Variants in ZNF736 observed in about 807,000 individuals in gnomAD.
ZNF736 encodes the protein KRAB-containing zinc-finger repressor protein.
In ZNF736, 6 loss-of-function variants were observed where a neutral mutation model predicts 11.7. That is an observed-to-expected ratio of 0.51 (90% confidence interval 0.28 to 1.01). The LOEUF (loss-of-function observed/expected upper bound fraction) is 1.01. Among genes scored for constraint, ZNF736 ranks in the 50% least tolerant of loss-of-function variants. The pLI, the probability that ZNF736 is intolerant of heterozygous loss-of-function variation, is 0.09. For missense variants in ZNF736, 444 were observed against 496.0 expected, an observed-to-expected ratio of 0.90 and a Z score of 1.00; for synonymous variants, 139 against 164.7, an observed-to-expected ratio of 0.84 and a Z score of 1.19.
chr7:64,348,423 A>G lies in ZNF736; in HGVS notation c.560A>G (p.Asp187Gly). The change falls in exon 4 of 4, where the codon GAT becomes GGT. Residue 187 changes from aspartate (D) to glycine (G), a missense_variant. Transcript: ENST00000423484. Reference sequence around the variant, plus strand: ...GGCAAAGACTGTAGGTTGTTCTCAGATTTTACTAGACATAAGAAAATTCAT... The same window carrying G: ...GGCAAAGACTGTAGGTTGTTCTCAGGTTTTACTAGACATAAGAAAATTCAT... ...ECGKDCRLFS[D>G]FTRHKKIHTV... 6.4e-7 allele frequency: 1 copy of G among 1,550,592 alleles called. No homozygotes were observed. Among genetic ancestry groups the G allele is most frequent in the Non-Finnish European group, 8.7e-7 (1 of 1,146,890 alleles).
Position 64,353,887 on chromosome 7 carries a change from A to G in ZNF736, c.*4740A>G, listed in dbSNP as rs1204552945. The stretch of plus-strand genomic sequence containing the variant: ...TTTTTAATGACAATGTGTGAACTTA[A>G]TTTGTTTTAATAAACCAAAATTATT... On this transcript the variant is annotated 3_prime_UTR_variant, in exon 4 of 4. Coordinates refer to ENST00000423484, the MANE Select transcript of ZNF736 (RefSeq NM_001170905.3). 2.0e-5 allele frequency: 3 copies of G among 152,194 alleles called. No homozygotes were observed. The highest frequency in any genetic ancestry group is 1.3e-4 in the Admixed American group (2 of 15,278). 9.4% of individuals were successfully genotyped at this position (152,194 alleles called of 1,614,324 possible). A position where few individuals can be genotyped will look rare whatever the true frequency, so the allele number is the denominator to read the frequency against.
At chr7:64,327,027 T>G (rs1174822389) in intron 1 of ZNF736, among the ~76,000 whole-genome samples, 4 of 152,196 alleles carry the variant, frequency 2.6e-5, no homozygotes, top group African/African-American at 9.6e-5. Context: ...CTGTAGCTTT[T>G]TGATGAAATG....
chr7:64,347,149 A>G (rs529105826), intron 3 of ZNF736, among the ~76,000 whole-genome samples: 1 of 145,000 alleles, frequency 6.9e-6, no homozygotes, highest in East Asian at 2.2e-4. Context: ...GGAGTCTTGG[A>G]GTCTCTCAAG....
At chr7:64,320,155 C>A (rs781485940) in intron 1 of ZNF736, among the ~76,000 whole-genome samples, 2 of 152,122 alleles carry the variant, frequency 1.3e-5, no homozygotes, top group African/African-American at 2.4e-5. Context: ...TTTAAAACTT[C>A]AGAGAAATAA....
chr7:64,318,017 C>A (rs34575428), intron 1 of ZNF736, among the ~76,000 whole-genome samples: 14,063 of 151,772 alleles, frequency 0.093, 882 homozygotes, highest in Non-Finnish European at 0.14. Flanking sequence ...GAATCTTGGG[C>A]AGAATTTTAA....
At chr7:64,318,415 T>C (rs1249164713) in intron 1 of ZNF736, among the ~76,000 whole-genome samples, 1 of 151,990 alleles carries the variant, frequency 6.6e-6, no homozygotes, top group Non-Finnish European at 1.5e-5. Flanking sequence ...GTTTATAAAC[T>C]TTTGTCCCAT....
intron 3 of ZNF736, among the ~76,000 whole-genome samples, chr7:64,338,675 A>AT (rs1035502602): frequency 6.6e-6 from 1 of 150,476 alleles, no homozygotes; most frequent in East Asian, 1.9e-4. Context: ...GGGTTTTATT[A>AT]TTTTTTATGG....
chr7:64,343,207 A>G (rs1789363020), intron 3 of ZNF736, among the ~76,000 whole-genome samples: 2 of 152,196 alleles, frequency 1.3e-5, no homozygotes, highest in African/African-American at 4.8e-5. Flanking sequence ...TGTGGTACCT[A>G]TATACACATT....
intron 3 of ZNF736, among the ~76,000 whole-genome samples, chr7:64,338,837 A>G (rs1456132469): frequency 6.6e-6 from 1 of 151,804 alleles, no homozygotes; most frequent in Non-Finnish European, 1.5e-5. Context: ...TAGTAAATTT[A>G]TTGTATATGC....
At chr7:64,339,682 C>T (rs1169939356) in intron 3 of ZNF736, among the ~76,000 whole-genome samples, 1 of 150,936 alleles carries the variant, frequency 6.6e-6, no homozygotes, top group Non-Finnish European at 1.5e-5. Flanking sequence ...GTTTTTATTA[C>T]AGTAGCCTTC....
chr7:64,350,103 C>G lies in ZNF736; in HGVS notation c.*956C>G, dbSNP rs111931185. 96 of 152,228 alleles carry G rather than the reference C, an allele frequency of 6.3e-4. No homozygotes were observed. Among genetic ancestry groups the G allele is most frequent in the African/African-American group, 2.3e-3 (95 of 41,536 alleles). 9.4% of individuals were successfully genotyped at this position (152,228 alleles called of 1,614,324 possible). A position where few individuals can be genotyped will look rare whatever the true frequency, so the allele number is the denominator to read the frequency against. On this transcript the variant is annotated 3_prime_UTR_variant, in exon 4 of 4. Coordinates refer to ENST00000423484, the MANE Select transcript of ZNF736 (RefSeq NM_001170905.3). ...ACATTTCCTGCATTTGAATGTTGGC[C>G]TCTCTAGGTTGGGGAAGTTCTCATG... is the stretch of plus-strand genomic sequence containing the variant.
chr7:64,333,166 A>G (rs1445055164), intron 1 of ZNF736, among the ~76,000 whole-genome samples: 2 of 152,198 alleles, frequency 1.3e-5, no homozygotes, highest in Non-Finnish European at 2.9e-5. Flanking sequence ...CCGTGGCTCC[A>G]GCTGCTCCCT....
In ZNF736 at chr7:64,335,894, A is replaced by G. The variant is rs529836984; in HGVS notation, c.4-365A>G. On this transcript the variant is annotated intron_variant, in intron 1 of 3. Transcript: ENST00000423484. ...TTAACAAGATCTCCTGTTCATTGCTATACACAATAAGATTTGAGAAGTATG... is the reference window on the plus strand; with the variant it reads ...TTAACAAGATCTCCTGTTCATTGCTGTACACAATAAGATTTGAGAAGTATG... Among the ~76,000 whole-genome samples, 160 of 152,348 alleles carry G rather than the reference A, an allele frequency of 1.1e-3. 1 individual carries two copies. Among genetic ancestry groups the G allele is most frequent in the Middle Eastern group, 6.8e-3 (2 of 294 alleles).
Position 64,350,106 on chromosome 7 carries a change from T to G in ZNF736, c.*959T>G, listed in dbSNP as rs796138116. On this transcript the variant is annotated 3_prime_UTR_variant, in exon 4 of 4. Coordinates refer to ENST00000423484, the MANE Select transcript of ZNF736 (RefSeq NM_001170905.3). Reference sequence around the variant, plus strand: ...TTTCCTGCATTTGAATGTTGGCCTCTCTAGGTTGGGGAAGTTCTCATGGAT... The same window carrying G: ...TTTCCTGCATTTGAATGTTGGCCTCGCTAGGTTGGGGAAGTTCTCATGGAT... 72 of 152,308 alleles carry G rather than the reference T, an allele frequency of 4.7e-4. No individual in the cohort carries two copies. The highest frequency in any genetic ancestry group is 1.7e-3 in the African/African-American group (70 of 41,576). The allele number at this position is 152,308 out of a possible 1,614,324, so 9.4% of individuals were successfully genotyped here.
rs1789444975 is a variant in ZNF736, at chr7:64,348,658, C to G, written c.795C>G (p.Ala265=). ...RPYKCEECGK[A]FKCFSDLTNH... ...ACAAATGTGAAGAATGTGGCAAAGC[C>G]TTTAAGTGCTTCTCAGACCTTACTA... is the stretch of plus-strand genomic sequence containing the variant. Residue 265 remains alanine, a synonymous_variant, in exon 4 of 4, where the codon GCC becomes GCG. Transcript: ENST00000423484. The G allele has an allele frequency of 1.2e-6, 2 of 1,606,548 alleles. No homozygotes were observed. The highest frequency in any genetic ancestry group is 2.7e-5 in the African/African-American group (2 of 74,462).
chr7:64,323,550 T>C (rs1789031433), intron 1 of ZNF736, among the ~76,000 whole-genome samples: 1 of 152,152 alleles, frequency 6.6e-6, no homozygotes, highest in South Asian at 2.1e-4. Context: ...TGGAATACTA[T>C]GCAGGCATAA....
intron 3 of ZNF736, among the ~76,000 whole-genome samples, chr7:64,342,844 C>T (rs1789357083): frequency 6.6e-6 from 1 of 152,004 alleles, no homozygotes; most frequent in African/African-American, 2.4e-5. Flanking sequence ...CAAACTTTGT[C>T]TATGTGATTG....
intron 1 of ZNF736, among the ~76,000 whole-genome samples, chr7:64,315,353 G>A (rs75163325): frequency 0.049 from 7,381 of 152,008 alleles, 457 homozygotes; most frequent in East Asian, 0.35. Flanking sequence ...TCAAAGGAGG[G>A]TCTTGGAACA....
intron 1 of ZNF736, among the ~76,000 whole-genome samples, chr7:64,321,766 C>G (rs1369659911): frequency 6.6e-6 from 1 of 152,098 alleles, no homozygotes; most frequent in East Asian, 1.9e-4. Flanking sequence ...TTGGGGGTGT[C>G]CCTCTGAATC....
Sources: allele counts gnomAD v4.1 joint callset (sites outside exome capture counted in the v4.1 genomes callset), GRCh38; gene constraint gnomAD v4.1.1; transcripts MANE v1.5; gene names NCBI Gene and HGNC (gene_info 2026-07-23, HGNC 2026-07-21).